The following TAS2R1 variants were observed in gnomAD, a reference collection of about 807,000 sequenced individuals.
TAS2R1 encodes the protein taste 2 receptor member 1.
For missense variants in TAS2R1, 370 were observed against 353.4 expected (o/e 1.05, Z -0.38); for synonymous variants, 141 against 134.2 (o/e 1.05, Z -0.35).
the TAS2R1 span, chr5:9,854,568 CAAT>C: frequency 2.0e-5 from 3 of 152,002 alleles, no homozygotes; most frequent in Admixed American, 2.0e-4. Flanking sequence ...ACTCAAGATT[CAAT>C]AATATGTTCA....
At chr5:9,682,799 A>G (rs145446638) in intron 1 of TAS2R1, among the ~76,000 whole-genome samples, 2 of 152,296 alleles carry the variant, frequency 1.3e-5, no homozygotes, top group Admixed American at 1.3e-4. Context: ...CATTCAGCCT[A>G]CAACCCCAAT....
the TAS2R1 span, among the ~76,000 whole-genome samples, chr5:9,844,907 T>C: frequency 3.3e-5 from 5 of 152,200 alleles, no homozygotes; most frequent in Admixed American, 1.3e-4. Flanking sequence ...ATTTACATGA[T>C]CAATGTCTTC....
At chr5:9,880,242 G>C in the TAS2R1 span, among the ~76,000 whole-genome samples, 1 of 152,128 alleles carries the variant, frequency 6.6e-6, no homozygotes, top group Non-Finnish European at 1.5e-5. Context: ...TTGTTATGCT[G>C]AGCTCTGGAG....
At chr5:9,886,506 G>T in the TAS2R1 span, among the ~76,000 whole-genome samples, 1 of 151,078 alleles carries the variant, frequency 6.6e-6, no homozygotes, top group East Asian at 1.9e-4. Context: ...TAATTTTTTT[G>T]TATTTTTAGT....
chr5:9,817,112 A>G, the TAS2R1 span, among the ~76,000 whole-genome samples: 1 of 152,192 alleles, frequency 6.6e-6, no homozygotes, highest in Non-Finnish European at 1.5e-5. Context: ...TACAAAAGTG[A>G]GCGGAATATC....
chr5:9,661,423 C>A (rs917475809), intron 1 of TAS2R1, among the ~76,000 whole-genome samples: 2 of 152,164 alleles, frequency 1.3e-5, no homozygotes, highest in African/African-American at 4.8e-5. Flanking sequence ...TGAATGCATG[C>A]TCTCTTTTCT....
chr5:9,677,923 T>C (rs1740906642), intron 1 of TAS2R1, among the ~76,000 whole-genome samples: 1 of 152,106 alleles, frequency 6.6e-6, no homozygotes, highest in Non-Finnish European at 1.5e-5. Flanking sequence ...AACAACTAGT[T>C]AGGCATGGTG....
At chr5:9,728,213 C>T in the TAS2R1 span, among the ~76,000 whole-genome samples, 1 of 152,098 alleles carries the variant, frequency 6.6e-6, no homozygotes, top group Non-Finnish European at 1.5e-5. Flanking sequence ...AAATCTTGCA[C>T]AACAGAGATA....
chr5:9,854,026 A>T, the TAS2R1 span, among the ~76,000 whole-genome samples: 1 of 152,196 alleles, frequency 6.6e-6, no homozygotes, highest in Non-Finnish European at 1.5e-5. Flanking sequence ...AGATGGCTTA[A>T]ACAACAGTGA....
chr5:9,707,668 G>A (rs143995567), intron 1 of TAS2R1, among the ~76,000 whole-genome samples: 1 of 152,166 alleles, frequency 6.6e-6, no homozygotes, highest in East Asian at 1.9e-4. Flanking sequence ...GGGCGACAGA[G>A]TGAGACTCTG....
the TAS2R1 span, among the ~76,000 whole-genome samples, chr5:9,885,802 T>C: frequency 1.3e-4 from 20 of 152,224 alleles, no homozygotes; most frequent in East Asian, 3.1e-3. Flanking sequence ...AAAGTGTTTG[T>C]GTGATAAATG....
the TAS2R1 span, among the ~76,000 whole-genome samples, chr5:9,768,030 G>A: frequency 1.1e-3 from 171 of 151,172 alleles, no homozygotes; most frequent in East Asian, 0.023. Context: ...TCCTGAGGCC[G>A]ACAGGCATGA....
chr5:9,856,032 T>C, the TAS2R1 span, among the ~76,000 whole-genome samples: 1 of 152,174 alleles, frequency 6.6e-6, no homozygotes, highest in Non-Finnish European at 1.5e-5. Context: ...AAGAATTGTA[T>C]TTACATTTTA....
chr5:9,647,939 A>G (rs1740225926), intron 2 of TAS2R1, among the ~76,000 whole-genome samples: 1 of 152,188 alleles, frequency 6.6e-6, no homozygotes, highest in South Asian at 2.1e-4. Context: ...CTTTTAGTCA[A>G]CTTTATTTTT....
intron 1 of TAS2R1, among the ~76,000 whole-genome samples, chr5:9,662,731 GAT>G (rs1469855789): frequency 6.6e-6 from 1 of 152,222 alleles, no homozygotes; most frequent in East Asian, 1.9e-4. Context: ...TTCTGGAAAT[GAT>G]AGTCTCTGAC....
chr5:9,795,399 A>G, the TAS2R1 span, among the ~76,000 whole-genome samples: 2 of 152,214 alleles, frequency 1.3e-5, no homozygotes, highest in Non-Finnish European at 1.5e-5. Flanking sequence ...AAAAGGGCCC[A>G]GCACCATGTC....
At chr5:9,875,187 C>T in the TAS2R1 span, among the ~76,000 whole-genome samples, 1 of 152,174 alleles carries the variant, frequency 6.6e-6, no homozygotes, top group Admixed American at 6.5e-5. Context: ...ACTCAAATGA[C>T]TTTGGGAACC....
At chr5:9,845,887 T>G in the TAS2R1 span, among the ~76,000 whole-genome samples, 1 of 152,098 alleles carries the variant, frequency 6.6e-6, no homozygotes. Flanking sequence ...AGGGTAACAG[T>G]CCAAAACAGA....
chr5:9,654,240 A>G (rs1243121417), intron 2 of TAS2R1, among the ~76,000 whole-genome samples: 5 of 152,174 alleles, frequency 3.3e-5, no homozygotes, highest in African/African-American at 1.2e-4. Context: ...TGCATTCTCT[A>G]TGTAAGAATA....
Sources: allele counts gnomAD v4.1 joint callset (sites outside exome capture counted in the v4.1 genomes callset), GRCh38; gene constraint gnomAD v4.1.1; transcripts MANE v1.5; gene names NCBI Gene and HGNC (gene_info 2026-07-23, HGNC 2026-07-21).